Variants in DPP6 observed in about 807,000 individuals in gnomAD.
DPP6 encodes dipeptidyl peptidase like 6.
DPP6 carries 69 observed loss-of-function variants against 122.6 expected under a neutral mutation model. The ratio of observed to expected loss-of-function variants is 0.56; its 90% CI spans 0.46 to 0.69. The LOEUF (loss-of-function observed/expected upper bound fraction) is 0.69. Among genes scored for constraint, DPP6 ranks in the 30% least tolerant of loss-of-function variants. The pLI, the probability that DPP6 is intolerant of heterozygous loss-of-function variation, is 0.00. For missense variants in DPP6, 928 were observed against 1,116.9 expected (o/e 0.83, Z 2.41); for synonymous variants, 418 against 433.1 (o/e 0.97, Z 0.43).
intron 6 of DPP6, 23 bp from the exon 7 acceptor site, chr7:154,669,337 T>C (rs1838400142): frequency 1.3e-6 from 2 of 1,552,012 alleles, no homozygotes; most frequent in Non-Finnish European, 1.7e-6. Context: ...TGCTTTGTTT[T>C]TGTTTGTTTG....
At chr7:154,198,107 C>G (rs1357319366) in intron 1 of DPP6, among the ~76,000 whole-genome samples, 3 of 152,080 alleles carry the variant, frequency 2.0e-5, no homozygotes, top group Admixed American at 6.5e-5. Context: ...TTACGATCAT[C>G]CTGGAGCACG....
intron 16 of DPP6, among the ~76,000 whole-genome samples, chr7:154,840,498 C>G (rs11243321): frequency 0.85 from 129,372 of 152,184 alleles, 55,400 homozygotes; most frequent in East Asian, 0.99. Flanking sequence ...CATGCTCACT[C>G]TGTTGATGAA....
At chr7:154,052,179 C>G (rs1196609472), upstream of DPP6, among the ~76,000 whole-genome samples, 1 of 151,608 alleles carries the variant, frequency 6.6e-6, no homozygotes, top group Non-Finnish European at 1.5e-5. This position sits in a 1 kb window ranked among gnomAD's most constrained non-coding sequence, Gnocchi z 4.8. Flanking sequence ...CCCCCACCGC[C>G]CCCGCACCCA....
chr7:154,865,046 C>T (rs1803736276), intron 17 of DPP6, among the ~76,000 whole-genome samples: 1 of 152,180 alleles, frequency 6.6e-6, no homozygotes, highest in African/African-American at 2.4e-5. Flanking sequence ...GAGACAAGAG[C>T]GTACTTTAAC....
the DPP6 span, among the ~76,000 whole-genome samples, chr7:153,760,275 C>T: frequency 4.6e-5 from 7 of 152,106 alleles, no homozygotes; most frequent in African/African-American, 1.7e-4. Flanking sequence ...TTAATGTTGT[C>T]CATGTCTTCA....
intron 1 of DPP6, among the ~76,000 whole-genome samples, chr7:154,045,511 T>C (rs970406639): frequency 3.9e-5 from 6 of 152,250 alleles, no homozygotes; most frequent in Non-Finnish European, 8.8e-5. Context: ...CCCACGAATC[T>C]GCATTTCCAA....
At chr7:154,352,755 A>G (rs1482847134) in intron 1 of DPP6, among the ~76,000 whole-genome samples, 1 of 152,210 alleles carries the variant, frequency 6.6e-6, no homozygotes, top group Non-Finnish European at 1.5e-5. Flanking sequence ...TGATGGGTTG[A>G]CAGGTGCAGC....
intron 7 of DPP6, among the ~76,000 whole-genome samples, chr7:154,678,714 T>C (rs372832458): frequency 6.6e-6 from 1 of 152,228 alleles, no homozygotes; most frequent in East Asian, 1.9e-4. Context: ...ATTTTGTTTG[T>C]TTTGCTCTTA....
chr7:154,491,557 G>A (rs190768714), intron 3 of DPP6, among the ~76,000 whole-genome samples: 18 of 152,074 alleles, frequency 1.2e-4, no homozygotes, highest in African/African-American at 3.6e-4. Flanking sequence ...CCTACAATTC[G>A]TCCAGAATCC....
chr7:153,836,356 AG>A, the DPP6 span, among the ~76,000 whole-genome samples: 1 of 152,164 alleles, frequency 6.6e-6, no homozygotes, highest in African/African-American at 2.4e-5. Context: ...GTGGGGGTAC[AG>A]GGGGAAGAAG....
intron 1 of DPP6, among the ~76,000 whole-genome samples, chr7:154,367,149 G>T (rs986147724): frequency 6.6e-6 from 1 of 152,144 alleles, no homozygotes; most frequent in Non-Finnish European, 1.5e-5. Context: ...ATAATGGGGC[G>T]CATTAGCAGC....
At chr7:154,089,335 T>C (rs1478337422) in intron 1 of DPP6, among the ~76,000 whole-genome samples, 2 of 130,390 alleles carry the variant, frequency 1.5e-5, no homozygotes, top group African/African-American at 6.4e-5. Context: ...AGGGAGGGCA[T>C]TTCTGCCTCA....
At chr7:154,793,935 T>A in intron 10 of DPP6, 144 bp from the exon 11 acceptor site, 1 of 1,340,548 alleles carries the variant, frequency 7.5e-7, no homozygotes, top group Non-Finnish European at 1.0e-6. Flanking sequence ...TAAGCCAGAT[T>A]TCAGAAGCTC....
intron 1 of DPP6, among the ~76,000 whole-genome samples, chr7:154,362,886 G>A (rs992813873): frequency 1.3e-5 from 2 of 152,202 alleles, no homozygotes; most frequent in African/African-American, 4.8e-5. Flanking sequence ...GCATCAACTG[G>A]AGCTTGTTTG....
intron 1 of DPP6, among the ~76,000 whole-genome samples, chr7:154,357,990 C>A (rs1038549471): frequency 1.3e-5 from 2 of 151,666 alleles, no homozygotes; most frequent in African/African-American, 4.8e-5. Context: ...CTCGGAAGTG[C>A]TCCCTTGTTA....
At chr7:154,271,756 T>C (rs2150934592) in intron 1 of DPP6, among the ~76,000 whole-genome samples, 1 of 152,264 alleles carries the variant, frequency 6.6e-6, no homozygotes, top group East Asian at 1.9e-4. Context: ...GCCACTCTCA[T>C]CCAGGGACAC....
intron 1 of DPP6, chr7:154,058,157 G>C (rs866199884): frequency 4.8e-5 from 7 of 146,606 alleles, no homozygotes; most frequent in African/African-American, 1.5e-4. Context: ...GACCACCATC[G>C]CAGGGGGGGA....
intron 1 of DPP6, among the ~76,000 whole-genome samples, chr7:153,935,803 C>A (rs757158730): frequency 2.6e-5 from 4 of 152,152 alleles, no homozygotes; most frequent in Non-Finnish European, 4.4e-5. Context: ...CAGTCAAAGT[C>A]GGCTTTACAA....
At chr7:154,853,996 T>C (rs548213238) in intron 17 of DPP6, among the ~76,000 whole-genome samples, 169 bp downstream of exon 17, 1 of 152,070 alleles carries the variant, frequency 6.6e-6, no homozygotes, top group Non-Finnish European at 1.5e-5. Context: ...CGAAATATGA[T>C]GAAAGTCAAA....
Sources: allele counts gnomAD v4.1 joint callset (sites outside exome capture counted in the v4.1 genomes callset), GRCh38; gene constraint gnomAD v4.1.1; non-coding constraint Gnocchi (gnomAD v3.1); transcripts MANE v1.5; gene names NCBI Gene and HGNC (gene_info 2026-07-23, HGNC 2026-07-21).